ZNG1B: variants seen among roughly 807,000 people sequenced by gnomAD.
ZNG1B encodes Zn regulated GTPase metalloprotein activator 1B, also known as zinc-regulated GTPase metalloprotein activator 1B.
At chr2:113,474,224 A>G in the ZNG1B span, among the ~76,000 whole-genome samples, 1 of 152,170 alleles carries the variant, frequency 6.6e-6, no homozygotes, top group East Asian at 1.9e-4. Flanking sequence ...TGGAGGGTGT[A>G]TGTGTCAAGG....
the ZNG1B span, chr2:113,437,923 T>C: frequency 1.2e-6 from 2 of 1,611,982 alleles, no homozygotes; most frequent in South Asian, 1.1e-5. Flanking sequence ...GGAGGAGGAT[T>C]GTCCTGAATT....
chr2:113,463,240 T>A, the ZNG1B span, among the ~76,000 whole-genome samples: 1 of 152,174 alleles, frequency 6.6e-6, no homozygotes, highest in African/African-American at 2.4e-5. Flanking sequence ...TGTTTTGAAT[T>A]ATTTTGTAAG....
chr2:113,489,586 G>C, the ZNG1B span, among the ~76,000 whole-genome samples: 64 of 152,268 alleles, frequency 4.2e-4, no homozygotes, highest in African/African-American at 1.5e-3. Context: ...GAATAGGTAA[G>C]AATTCACCAA....
the ZNG1B span, among the ~76,000 whole-genome samples, chr2:113,443,518 T>C: frequency 1.3e-5 from 2 of 148,920 alleles, no homozygotes; most frequent in Non-Finnish European, 3.0e-5. Flanking sequence ...GTAAGAGGCC[T>C]AAGGAGGAAG....
chr2:113,474,039 T>C, the ZNG1B span, among the ~76,000 whole-genome samples: 2 of 151,818 alleles, frequency 1.3e-5, no homozygotes, highest in Admixed American at 6.6e-5. Flanking sequence ...TTTCTATTGA[T>C]TGGAATAGTT....
the ZNG1B span, chr2:113,469,993 T>TC: frequency 1.4e-5 from 2 of 146,734 alleles, no homozygotes; most frequent in East Asian, 2.0e-4. Context: ...CTGCTGTTCT[T>TC]TTTTTTTTTT....
chr2:113,456,689 A>G, the ZNG1B span, among the ~76,000 whole-genome samples: 1 of 152,078 alleles, frequency 6.6e-6, no homozygotes. Flanking sequence ...TATTAAATCA[A>G]TATACCTACA....
At chr2:113,458,415 CTATAATGGTATATGATTACA>C in the ZNG1B span, among the ~76,000 whole-genome samples, 2 of 151,800 alleles carry the variant, frequency 1.3e-5, no homozygotes, top group Non-Finnish European at 2.9e-5. Context: ...ATCTCTTCTG[CTATAATGGTATATGATTACA>C]TATAATTTTA....
the ZNG1B span, chr2:113,471,120 T>C: frequency 1.5e-6 from 2 of 1,349,526 alleles, no homozygotes; most frequent in African/African-American, 1.5e-5. Context: ...TTACTTTTAT[T>C]GTTATGTACC....
At chr2:113,471,072 T>C in the ZNG1B span, 29 of 1,584,532 alleles carry the variant, frequency 1.8e-5, no homozygotes, top group South Asian at 3.1e-4. Context: ...ATGCCTTTGA[T>C]AGTCTCTCTG....
At chr2:113,478,030 C>G in the ZNG1B span, among the ~76,000 whole-genome samples, 3 of 152,136 alleles carry the variant, frequency 2.0e-5, no homozygotes, top group African/African-American at 7.2e-5. Context: ...CCATTTTCTA[C>G]ATATACCACA....
At chr2:113,465,173 G>C in the ZNG1B span, 1 of 576,648 alleles carries the variant, frequency 1.7e-6, no homozygotes, top group Non-Finnish European at 3.0e-6. Context: ...CAAAGATCAA[G>C]GTACTTTAAA....
the ZNG1B span, among the ~76,000 whole-genome samples, chr2:113,443,294 G>T: frequency 1.3e-5 from 2 of 151,680 alleles, no homozygotes; most frequent in African/African-American, 2.4e-5. Flanking sequence ...ATGAACTAGG[G>T]TTTTTACTCA....
At chr2:113,464,472 A>G in the ZNG1B span, among the ~76,000 whole-genome samples, 1 of 117,330 alleles carries the variant, frequency 8.5e-6, no homozygotes, top group African/African-American at 2.9e-5. Flanking sequence ...GCAATGGAAA[A>G]GATAAATAGA....
At chr2:113,478,864 A>G in the ZNG1B span, among the ~76,000 whole-genome samples, 1 of 151,376 alleles carries the variant, frequency 6.6e-6, no homozygotes, top group African/African-American at 2.4e-5. Context: ...TGGGACAGGC[A>G]GGGCAGTTAT....
At chr2:113,468,206 A>C in the ZNG1B span, among the ~76,000 whole-genome samples, 3 of 151,216 alleles carry the variant, frequency 2.0e-5, no homozygotes, top group Non-Finnish European at 4.4e-5. Flanking sequence ...CAGTTTGCTC[A>C]GCTATTTACT....
the ZNG1B span, chr2:113,441,214 C>G: frequency 7.5e-7 from 1 of 1,336,394 alleles, no homozygotes; most frequent in Non-Finnish European, 1.0e-6. Flanking sequence ...TTAATCTTAT[C>G]CTCTAGGATA....
the ZNG1B span, among the ~76,000 whole-genome samples, chr2:113,486,881 A>AT: frequency 4.6e-5 from 7 of 151,078 alleles, no homozygotes; most frequent in Admixed American, 6.6e-5. Flanking sequence ...GACTAAATTT[A>AT]TTTTTTTTTA....
At chr2:113,490,363 A>G in the ZNG1B span, among the ~76,000 whole-genome samples, 2 of 152,188 alleles carry the variant, frequency 1.3e-5, no homozygotes, top group African/African-American at 2.4e-5. Flanking sequence ...GGTGGTGCTA[A>G]GAGGAAAGTT....
Sources: gnomAD v4.1 joint callset for allele counts (sites outside exome capture counted in the v4.1 genomes callset) on GRCh38, gnomAD v4.1.1 for gene constraint, MANE v1.5 for transcripts, NCBI Gene and HGNC (gene_info 2026-07-23, HGNC 2026-07-21) for gene names.